The following TFDP2 variants were observed in gnomAD, a reference collection of about 807,000 sequenced individuals.
TFDP2 encodes transcription factor Dp-2 (E2F dimerization partner 2).
TFDP2 carries 17 observed loss-of-function variants against 59.3 expected under a neutral mutation model. The observed-to-expected ratio is 0.29, with a 90% CI of 0.20 to 0.43. The LOEUF (loss-of-function observed/expected upper bound fraction) is 0.43, where lower values mean the gene tolerates loss of function less well. Among genes scored for constraint, TFDP2 ranks in the 20% least tolerant of loss-of-function variants. The pLI is 1.00. For missense variants in TFDP2, 391 were observed against 528.8 expected (o/e 0.74, Z 2.56); for synonymous variants, 180 against 194.7 (o/e 0.92, Z 0.63).
intron 6 of TFDP2, among the ~76,000 whole-genome samples, chr3:141,993,198 T>C (rs1174840285): frequency 2.7e-5 from 2 of 73,856 alleles, no homozygotes; most frequent in African/African-American, 2.1e-4. Context: ...AGACTTCATC[T>C]CAAAAAAAAG....
At chr3:142,057,828 G>A (rs773995178) in intron 3 of TFDP2, among the ~76,000 whole-genome samples, 2 of 152,126 alleles carry the variant, frequency 1.3e-5, no homozygotes, top group Admixed American at 6.5e-5. Context: ...CACGGTGCCC[G>A]GATTCAGTTC....
intron 3 of TFDP2, among the ~76,000 whole-genome samples, chr3:142,053,144 A>C (rs1947730592): frequency 6.6e-6 from 1 of 152,124 alleles, no homozygotes; most frequent in African/African-American, 2.4e-5. Flanking sequence ...ACCACAAACT[A>C]TCTTTTTTAA....
chr3:142,124,523 A>C (rs1173686896), intron 1 of TFDP2, among the ~76,000 whole-genome samples: 1 of 152,216 alleles, frequency 6.6e-6, no homozygotes, highest in Non-Finnish European at 1.5e-5. Context: ...ATATAGAAAA[A>C]ATTAGTTAGA....
At position 142,149,496 on chromosome 3, in the gene TFDP2, A is replaced by G. The variant is rs2063310177; in HGVS notation, c.-406T>C. On this transcript the variant is annotated 5_prime_UTR_variant, in exon 1 of 13. Transcript: ENST00000489671. ...GTCCGCCCTCTCCCTGCCCAGCTAC[A>G]GCCCCGCTTCCCCCGCGCGAGCTTT... 2.8e-6 allele frequency: 1 copy of G among 351,664 alleles called. No individual in the cohort carries two copies. The highest frequency in any genetic ancestry group is 5.1e-6 in the Non-Finnish European group (1 of 196,612). The allele number at this position is 351,664 out of a possible 1,614,324, so 21.8% of individuals were successfully genotyped here.
rs1372657952 is a variant in TFDP2, at chr3:142,147,310, A to G, written c.-93+1873T>C. On this transcript the variant is annotated intron_variant, in intron 1 of 12. Transcript: ENST00000489671. ...AAAATCCACTACAATTTAAAATTCT[A>G]TGATCTAAAAGAACTCTCAATCTAT... 2.0e-5 allele frequency among the ~76,000 whole-genome samples: 3 copies of G among 152,324 alleles called. No homozygotes were observed. The East Asian group carries it at 5.8e-4, about 29-fold the overall frequency.
intron 9 of TFDP2, among the ~76,000 whole-genome samples, chr3:141,968,365 CAT>C (rs1223038281): frequency 1.2e-5 from 1 of 86,606 alleles, no homozygotes; most frequent in East Asian, 3.1e-4. Context: ...ACATATATCT[CAT>C]ATATAACATA....
At chr3:141,964,306 A>T (rs1576473896) in intron 9 of TFDP2, among the ~76,000 whole-genome samples, 1 of 152,160 alleles carries the variant, frequency 6.6e-6, no homozygotes, top group East Asian at 1.9e-4. Context: ...TAGGATGTGT[A>T]GCCCAGGGAT....
chr3:142,073,799 T>C (rs1014884917), intron 3 of TFDP2, among the ~76,000 whole-genome samples: 1 of 152,202 alleles, frequency 6.6e-6, no homozygotes, highest in Non-Finnish European at 1.5e-5. Context: ...TTATCATCAC[T>C]GCAAATGAAA....
At chr3:141,960,075 T>G (rs2107879531) in intron 10 of TFDP2, among the ~76,000 whole-genome samples, 1 of 152,264 alleles carries the variant, frequency 6.6e-6, no homozygotes, top group East Asian at 1.9e-4. Flanking sequence ...CCCACAAACT[T>G]TAGCCCTAAC....
intron 6 of TFDP2, among the ~76,000 whole-genome samples, chr3:141,985,519 C>CAAAAA (rs61684289): frequency 2.7e-5 from 2 of 74,402 alleles, no homozygotes; most frequent in African/African-American, 1.1e-4. Flanking sequence ...GACGCTGTCT[C>CAAAAA]AAAAAAAAAA....
intron 1 of TFDP2, among the ~76,000 whole-genome samples, chr3:142,134,163 G>A (rs1047494128): frequency 2.6e-5 from 4 of 151,976 alleles, no homozygotes; most frequent in East Asian, 1.9e-4. Flanking sequence ...GGAGTTCCAC[G>A]TAGTCCCAGC....
rs563769497 is a variant in TFDP2, at chr3:141,996,612, A to G, written c.187-1471T>C. On this transcript the variant is annotated intron_variant, in intron 4 of 12. Transcript: ENST00000489671. Reference sequence around the variant, plus strand: ...AGTTCATTGCTAACTTGCTCCATACATAACTGAAGGGAAGGATTAATAAGC... The same window carrying G: ...AGTTCATTGCTAACTTGCTCCATACGTAACTGAAGGGAAGGATTAATAAGC... Among the ~76,000 whole-genome samples the G allele has an allele frequency of 4.6e-5, 7 of 152,368 alleles. No individual in the cohort carries two copies. The South Asian group carries it at 1.4e-3, about 32-fold the overall frequency.
At chr3:142,054,564 T>G (rs1175170032) in intron 3 of TFDP2, among the ~76,000 whole-genome samples, 1 of 152,224 alleles carries the variant, frequency 6.6e-6, no homozygotes, top group Non-Finnish European at 1.5e-5. Flanking sequence ...CAGGTGGCAC[T>G]TCATAATATT....
Position 142,144,871 on chromosome 3 carries a change from A to C in TFDP2, c.-93+4312T>G, listed in dbSNP as rs2063110319. Among the ~76,000 whole-genome samples, 6 of 152,212 alleles carry C rather than the reference A, an allele frequency of 3.9e-5. No individual in the cohort carries two copies. In the South Asian group the frequency reaches 1.2e-3, roughly 31 times the overall value. On this transcript the variant is annotated intron_variant, in intron 1 of 12. Coordinates refer to ENST00000489671, the MANE Select transcript of TFDP2 (RefSeq NM_001178139.2). ...ACTTTTAAAACATACATGCATTTTT[A>C]AAACAAAGATAACTTTGGCTGCCAT...
chr3:142,038,394 A>AAAAG (rs1946797636), intron 3 of TFDP2, among the ~76,000 whole-genome samples: 1 of 150,664 alleles, frequency 6.6e-6, no homozygotes, highest in Admixed American at 6.6e-5. Flanking sequence ...AAAAAAAAAA[A>AAAAG]AAAAAAAAAA....
At chr3:141,983,407 C>T (rs1311392709) in intron 6 of TFDP2, among the ~76,000 whole-genome samples, 3 of 152,014 alleles carry the variant, frequency 2.0e-5, no homozygotes, top group Admixed American at 2.0e-4. Context: ...GAGGCCAAGG[C>T]AAGTGGATCA....
At chr3:142,062,108 C>T (rs986739434) in intron 3 of TFDP2, among the ~76,000 whole-genome samples, 2 of 151,754 alleles carry the variant, frequency 1.3e-5, no homozygotes, top group African/African-American at 4.8e-5. Flanking sequence ...TATGACAAAC[C>T]ACTTACACTT....
chr3:142,050,185 A>C (rs1297564388), intron 3 of TFDP2, among the ~76,000 whole-genome samples: 1 of 149,880 alleles, frequency 6.7e-6, no homozygotes, highest in Non-Finnish European at 1.5e-5. Context: ...AATCGCTTGA[A>C]CCCAGGAGGC....
chr3:141,969,271 G>GAT (rs1939327468), intron 9 of TFDP2, among the ~76,000 whole-genome samples: 1 of 100,940 alleles, frequency 9.9e-6, no homozygotes, highest in Admixed American at 1.2e-4. Context: ...TCATATATAT[G>GAT]AGATATATAT....
Sources: allele counts gnomAD v4.1 joint callset (sites outside exome capture counted in the v4.1 genomes callset), GRCh38; gene constraint gnomAD v4.1.1; transcripts MANE v1.5; gene names NCBI Gene and HGNC (gene_info 2026-07-23, HGNC 2026-07-21).